The following DLC1 variants were observed in gnomAD, a reference collection of about 807,000 sequenced individuals.
The protein encoded by DLC1 is rho GTPase-activating protein 7.
A neutral mutation model predicts 140.3 loss-of-function variants in DLC1; 54 were observed. The observed-to-expected ratio is 0.38, with a 90% CI of 0.31 to 0.48. The LOEUF (loss-of-function observed/expected upper bound fraction) is 0.48. DLC1 is among the 20% of genes least tolerant of loss of function. DLC1 has a pLI of 0.96. For synonymous variants in DLC1, 986 were observed against 728.1 expected (o/e 1.35, Z -5.70); for missense variants, 2,536 against 1,907.0 (o/e 1.33, Z -6.14).
chr8:13,297,400 G>A (rs1452117421), intron 5 of DLC1, among the ~76,000 whole-genome samples: 1 of 151,524 alleles, frequency 6.6e-6, no homozygotes, highest in Non-Finnish European at 1.5e-5. Context: ...GCCCAGGCTG[G>A]CTAGATAAAG....
At chr8:13,598,704 A>C (rs1805764432) in intron 1 of DLC1, among the ~76,000 whole-genome samples, 1 of 152,038 alleles carries the variant, frequency 6.6e-6, no homozygotes, top group South Asian at 2.1e-4. Context: ...TACTTTTGTA[A>C]CTTTGCTTTA....
chr8:13,570,005 C>A (rs1563447774), intron 1 of DLC1, among the ~76,000 whole-genome samples: 2 of 152,210 alleles, frequency 1.3e-5, no homozygotes, highest in Non-Finnish European at 2.9e-5. Context: ...GGATTGCAGG[C>A]ACGAGCCACT....
chr8:13,506,596 TATATATATATATACAC>T (rs1802089223), intron 1 of DLC1, among the ~76,000 whole-genome samples: 1 of 128,478 alleles, frequency 7.8e-6, no homozygotes, highest in Non-Finnish European at 1.6e-5. Flanking sequence ...TATATATATA[TATATATATATATACAC>T]ATATATATAC....
chr8:13,202,004 G>A (rs1827412404), intron 5 of DLC1, among the ~76,000 whole-genome samples: 1 of 147,536 alleles, frequency 6.8e-6, no homozygotes, highest in Non-Finnish European at 1.5e-5. Context: ...GGAGTGCAGT[G>A]GTGCGATCTC....
At chr8:13,418,037 G>A (rs965950477) in intron 2 of DLC1, among the ~76,000 whole-genome samples, 11 of 152,040 alleles carry the variant, frequency 7.2e-5, no homozygotes, top group African/African-American at 2.2e-4. Flanking sequence ...TGTTCATATC[G>A]TTTGCCTACT....
chr8:13,552,111 GTATA>G (rs3066465), intron 1 of DLC1, among the ~76,000 whole-genome samples: 6,345 of 54,498 alleles, frequency 0.12, 426 homozygotes, highest in Admixed American at 0.29. Flanking sequence ...GTCTAGAGGT[GTATA>G]TATATATATA....
At chr8:13,143,858 G>GAGAGAGAGAC (rs1265182590) in intron 5 of DLC1, among the ~76,000 whole-genome samples, 1 of 147,118 alleles carries the variant, frequency 6.8e-6, no homozygotes, top group African/African-American at 2.6e-5. Flanking sequence ...GAGAGACATA[G>GAGAGAGAGAC]ACATGCCAAG....
At chr8:13,437,240 G>C (rs777506263) in intron 2 of DLC1, among the ~76,000 whole-genome samples, 2 of 152,156 alleles carry the variant, frequency 1.3e-5, no homozygotes, top group African/African-American at 2.4e-5. Flanking sequence ...TCAAAGTAAA[G>C]TGCAAATAGG....
intron 5 of DLC1, among the ~76,000 whole-genome samples, chr8:13,119,046 T>G (rs1197721315): frequency 6.6e-6 from 1 of 151,802 alleles, no homozygotes; most frequent in Non-Finnish European, 1.5e-5. Context: ...CTGAAGAACA[T>G]AGGGAGACCC....
chr8:13,576,388 G>C (rs1804836894), intron 1 of DLC1, among the ~76,000 whole-genome samples: 2 of 152,152 alleles, frequency 1.3e-5, no homozygotes, highest in Non-Finnish European at 2.9e-5. Context: ...CTTTGGTTGA[G>C]AGGACACAAT....
intron 4 of DLC1, among the ~76,000 whole-genome samples, chr8:13,377,399 G>T (rs1229067337): frequency 1.3e-5 from 2 of 152,108 alleles, no homozygotes; most frequent in Admixed American, 6.6e-5. Context: ...GAAGAAATTT[G>T]CCAGCCACAA....
chr8:13,158,181 T>A (rs6989477), intron 5 of DLC1, among the ~76,000 whole-genome samples: 6,129 of 152,360 alleles, frequency 0.04, 421 homozygotes, highest in African/African-American at 0.14. Flanking sequence ...AGTGTATCTC[T>A]GGGGTCCCCG....
chr8:13,138,576 G>T (rs528057734), intron 5 of DLC1, among the ~76,000 whole-genome samples: 2 of 152,266 alleles, frequency 1.3e-5, no homozygotes, highest in Admixed American at 6.5e-5. Context: ...TTACAGGGGG[G>T]ATAATTTTTA....
At chr8:13,379,748 T>C (rs1836168353) in intron 4 of DLC1, among the ~76,000 whole-genome samples, 1 of 152,178 alleles carries the variant, frequency 6.6e-6, no homozygotes. Flanking sequence ...CAACCCATCA[T>C]CTAGGTTTTA....
intron 5 of DLC1, among the ~76,000 whole-genome samples, chr8:13,245,148 A>G (rs1018857636): frequency 6.6e-6 from 1 of 152,124 alleles, no homozygotes; most frequent in African/African-American, 2.4e-5. Flanking sequence ...GCCTTGTTTT[A>G]AGAGGTCTGA....
intron 4 of DLC1, among the ~76,000 whole-genome samples, chr8:13,373,454 T>G (rs1049695623): frequency 3.9e-5 from 6 of 152,224 alleles, no homozygotes; most frequent in Non-Finnish European, 5.9e-5. Context: ...TCTCCTCATC[T>G]TGTTAGTTAA....
intron 2 of DLC1, among the ~76,000 whole-genome samples, chr8:13,402,905 A>C (rs1837362221): frequency 6.6e-6 from 1 of 152,252 alleles, no homozygotes; most frequent in Non-Finnish European, 1.5e-5. Context: ...TATCTTAAAC[A>C]GCAAGAGCAG....
chr8:13,577,251 G>C (rs1804875386), intron 1 of DLC1, among the ~76,000 whole-genome samples: 1 of 152,144 alleles, frequency 6.6e-6, no homozygotes, highest in Admixed American at 6.5e-5. Flanking sequence ...AAGTATTTTA[G>C]CTGGACAGTA....
intron 1 of DLC1, among the ~76,000 whole-genome samples, chr8:13,565,664 A>T (rs1314629805): frequency 1.3e-5 from 2 of 152,158 alleles, no homozygotes; most frequent in Non-Finnish European, 2.9e-5. Flanking sequence ...CTAGACCTGA[A>T]TAATACCCCC....
Sources: allele counts gnomAD v4.1 joint callset (sites outside exome capture counted in the v4.1 genomes callset), GRCh38; gene constraint gnomAD v4.1.1; transcripts MANE v1.5; gene names NCBI Gene and HGNC (gene_info 2026-07-23, HGNC 2026-07-21).